The following RANBP10 variants were observed in gnomAD, a reference collection of about 807,000 sequenced individuals.
The protein encoded by RANBP10 is ran-binding protein 10.
In RANBP10, 24 loss-of-function variants were observed where a neutral mutation model predicts 72.8. The observed-to-expected ratio is 0.33, with a 90% CI of 0.24 to 0.46. RANBP10 has a LOEUF of 0.46. Among genes scored for constraint, RANBP10 ranks in the 20% least tolerant of loss-of-function variants. The probability of loss-of-function intolerance (pLI) is 1.00; values close to 1 mark genes in which losing one functional copy is unlikely to be tolerated. For synonymous variants in RANBP10, 310 were observed against 322.3 expected (o/e 0.96, Z 0.41); for missense variants, 679 against 817.5 (o/e 0.83, Z 2.07).
intron 3 of RANBP10, among the ~76,000 whole-genome samples, chr16:67,745,331 TTTTTA>T (rs1313083032): frequency 4.0e-5 from 6 of 151,622 alleles, no homozygotes; most frequent in Admixed American, 2.6e-4. Context: ...CTCTCTTTTA[TTTTTA>T]TTTATCTATT....
At chr16:67,804,767 G>C (rs1387252951) in intron 2 of RANBP10, among the ~76,000 whole-genome samples, 2 of 152,114 alleles carry the variant, frequency 1.3e-5, no homozygotes, top group Non-Finnish European at 2.9e-5. Context: ...GACCTCAGGT[G>C]ATCTGCCCAT....
chr16:67,760,219 T>C (rs994981599), intron 3 of RANBP10, among the ~76,000 whole-genome samples: 3 of 152,206 alleles, frequency 2.0e-5, no homozygotes, highest in Non-Finnish European at 4.4e-5. Context: ...TCACTGGATG[T>C]GCTGTACTCT....
At chr16:67,757,368 T>C (rs2054304965) in intron 3 of RANBP10, among the ~76,000 whole-genome samples, 1 of 152,158 alleles carries the variant, frequency 6.6e-6, no homozygotes, top group African/African-American at 2.4e-5. Flanking sequence ...GTTTCTGGCC[T>C]CCTGGGGAAG....
chr16:67,789,627 G>A (rs1215524706), intron 2 of RANBP10, among the ~76,000 whole-genome samples: 1 of 151,310 alleles, frequency 6.6e-6, no homozygotes, highest in African/African-American at 2.4e-5. Flanking sequence ...ACACCACCAC[G>A]CCTGGCTAAT....
chr16:67,731,363 G>A lies in RANBP10; in HGVS notation c.889+109C>T, dbSNP rs1043144133. ...GCCTCGAGCTGCAAGCTGGTCATGA[G>A]GACCAGAGCTGAATGGACTCCTGAC... On this transcript the variant is annotated intron_variant, in intron 7 of 13. Coordinates refer to ENST00000317506, the MANE Select transcript of RANBP10 (RefSeq NM_020850.3). The A allele has an allele frequency of 3.4e-6, 3 of 870,480 alleles. No homozygotes were observed. In the African/African-American group the frequency reaches 5.0e-5, roughly 15 times the overall value. The allele number at this position is 870,480 out of a possible 1,614,324, so 53.9% of individuals were successfully genotyped here. A position where few individuals can be genotyped will look rare whatever the true frequency, so the allele number is the denominator to read the frequency against.
chr16:67,733,831 C>T (rs2053784334), intron 6 of RANBP10, among the ~76,000 whole-genome samples: 1 of 152,152 alleles, frequency 6.6e-6, no homozygotes. Flanking sequence ...AAAACAAAAA[C>T]ACATCCATGT....
At chr16:67,761,426 T>C (rs1376763828) in intron 3 of RANBP10, among the ~76,000 whole-genome samples, 1 of 152,198 alleles carries the variant, frequency 6.6e-6, no homozygotes, top group Non-Finnish European at 1.5e-5. Flanking sequence ...TTGACTTTGA[T>C]TGCTGTGCCA....
intron 6 of RANBP10, among the ~76,000 whole-genome samples, chr16:67,733,157 A>G (rs7185308): frequency 0.29 from 44,694 of 151,634 alleles, 10,049 homozygotes; most frequent in African/African-American, 0.63. Context: ...TTGAGCCCAG[A>G]AGTTTGAGAC....
Position 67,728,410 on chromosome 16 carries a change from T to C in RANBP10, c.1454A>G (p.Gln485Arg). The change falls in exon 11 of 14, where the codon CAG becomes CGG. Residue 485 changes from glutamine (Q) to arginine (R), a missense_variant. Physicochemically the swap from Gln to Arg is conservative, Grantham distance 43 (BLOSUM62 1). Coordinates refer to ENST00000317506, the MANE Select transcript of RANBP10 (RefSeq NM_020850.3). ...VNGAYKHEDL[Q>R]TDESSMDDRH... Reference sequence around the variant, plus strand: ...CTCACCCATGCTGGACTCATCCGTCTGCAGGTCCTCATGCTTGTAGGCACC... The same window carrying C: ...CTCACCCATGCTGGACTCATCCGTCCGCAGGTCCTCATGCTTGTAGGCACC... The C allele has an allele frequency of 6.2e-7, 1 of 1,614,210 alleles. No homozygotes were observed. The highest frequency in any genetic ancestry group is 8.5e-7 in the Non-Finnish European group (1 of 1,180,028).
intron 6 of RANBP10, among the ~76,000 whole-genome samples, chr16:67,733,010 C>T (rs952044195): frequency 2.8e-5 from 4 of 142,558 alleles, no homozygotes; most frequent in African/African-American, 5.3e-5. Context: ...GCCGAGATTG[C>T]GCCACTGCAC....
In RANBP10 at chr16:67,728,502, C is replaced by G. The variant is rs148562496; in HGVS notation, c.1362G>C (p.Glu454Asp). Residue 454 changes from glutamate to aspartate, a missense_variant, in exon 11 of 14, where the codon GAG becomes GAC. Glu to Asp is a conservative substitution (Grantham distance 45). Coordinates refer to ENST00000317506, the MANE Select transcript of RANBP10 (RefSeq NM_020850.3). ...GGTAGTGCTCTGCCTCCATCTCCAT[C>G]TCACTGTCGCTGTGGGGAGGGGTTG... ...STSNQETSDS[E>D]MEMEAEHYPN... 1 of 1,614,172 alleles carries G rather than the reference C, an allele frequency of 6.2e-7. No individual in the cohort carries two copies. Among genetic ancestry groups the G allele is most frequent in the Non-Finnish European group, 8.5e-7 (1 of 1,180,044 alleles).
At chr16:67,773,249 T>TCCCC (rs1337764416) in intron 2 of RANBP10, among the ~76,000 whole-genome samples, 1 of 152,018 alleles carries the variant, frequency 6.6e-6, no homozygotes, top group Non-Finnish European at 1.5e-5. Flanking sequence ...GTATAGCACC[T>TCCCC]CCCCCCAACT....
intron 2 of RANBP10, among the ~76,000 whole-genome samples, chr16:67,780,049 T>C (rs974610455): frequency 4.6e-5 from 7 of 151,910 alleles, no homozygotes; most frequent in Non-Finnish European, 1.0e-4. Flanking sequence ...CTGGCCAACA[T>C]AGTGAAACCC....
At chr16:67,781,529 T>C (rs1428841997) in intron 2 of RANBP10, among the ~76,000 whole-genome samples, 1 of 152,146 alleles carries the variant, frequency 6.6e-6, no homozygotes, top group Non-Finnish European at 1.5e-5. Context: ...AGGGAATTAT[T>C]TACGCTATGA....
At chr16:67,799,769 C>A (rs1388624169) in intron 2 of RANBP10, among the ~76,000 whole-genome samples, 1 of 152,088 alleles carries the variant, frequency 6.6e-6, no homozygotes, top group African/African-American at 2.4e-5. Flanking sequence ...ATGACACATA[C>A]GGTGGCCTGA....
At chr16:67,769,940 C>T (rs1487266519) in intron 3 of RANBP10, among the ~76,000 whole-genome samples, 2 of 151,590 alleles carry the variant, frequency 1.3e-5, no homozygotes, top group Non-Finnish European at 2.9e-5. Flanking sequence ...TAGCTTGTAT[C>T]TGTAGTGCCA....
chr16:67,732,931 G>A (rs1442600011), intron 6 of RANBP10, among the ~76,000 whole-genome samples: 1 of 151,466 alleles, frequency 6.6e-6, no homozygotes, highest in Non-Finnish European at 1.5e-5. Flanking sequence ...GCGGGCACCT[G>A]TAGTCCCAGC....
Position 67,737,999 on chromosome 16 carries a change from ATAG to A in RANBP10, c.591+11_591+13del. On this transcript the variant is annotated intron_variant, in intron 5 of 13. Coordinates refer to ENST00000317506, the MANE Select transcript of RANBP10 (RefSeq NM_020850.3). Reference sequence around the variant, plus strand: ...CAGAAACCCAGGAGGGGAAGACTCAATAGTAGTACTCACCGGGAGGTCTGTGAA... The same window carrying A: ...CAGAAACCCAGGAGGGGAAGACTCAATAGTACTCACCGGGAGGTCTGTGAA... The A allele has an allele frequency of 3.2e-6, 5 of 1,584,974 alleles. No individual in the cohort carries two copies. The highest frequency in any genetic ancestry group is 4.3e-6 in the Non-Finnish European group (5 of 1,164,122).
At chr16:67,782,882 T>C (rs1474522267) in intron 2 of RANBP10, among the ~76,000 whole-genome samples, 1 of 152,288 alleles carries the variant, frequency 6.6e-6, no homozygotes, top group South Asian at 2.1e-4. Context: ...TTAAGAGCCA[T>C]CTCTTAAAAG....
Sources: gnomAD v4.1 joint callset for allele counts (sites outside exome capture counted in the v4.1 genomes callset) on GRCh38, gnomAD v4.1.1 for gene constraint, MANE v1.5 for transcripts, NCBI Gene and HGNC (gene_info 2026-07-23, HGNC 2026-07-21) for gene names.